SH3PXD2A: variants seen among roughly 807,000 people sequenced by gnomAD.
SH3PXD2A encodes the protein SH3 and PX domain-containing protein 2A.
A neutral mutation model predicts 115.2 loss-of-function variants in SH3PXD2A; 32 were observed. The observed-to-expected ratio is 0.28, with a 90% confidence interval of 0.21 to 0.37. The LOEUF (loss-of-function observed/expected upper bound fraction) is 0.37. Among genes scored for constraint, SH3PXD2A ranks in the 10% least tolerant of loss-of-function variants. The probability of loss-of-function intolerance (pLI) is 1.00; values close to 1 mark genes in which losing one functional copy is unlikely to be tolerated. For synonymous variants in SH3PXD2A, 610 were observed against 629.1 expected (o/e 0.97, Z 0.45); for missense variants, 1,328 against 1,498.7 (o/e 0.89, Z 1.88).
chr10:103,637,955 T>C (rs73333319), intron 8 of SH3PXD2A, among the ~76,000 whole-genome samples: 3,568 of 152,260 alleles, frequency 0.023, 143 homozygotes, highest in African/African-American at 0.08. Context: ...TGTCTGCGAG[T>C]GCTGTGCCTT....
intron 4 of SH3PXD2A, among the ~76,000 whole-genome samples, chr10:103,725,147 T>C (rs1050344968): frequency 2.0e-5 from 3 of 152,110 alleles, no homozygotes; most frequent in African/African-American, 7.2e-5. Flanking sequence ...TTCTGAAGGA[T>C]GGATAACAAT....
chr10:103,743,275 G>A (rs1191720985), intron 3 of SH3PXD2A, among the ~76,000 whole-genome samples: 1 of 152,034 alleles, frequency 6.6e-6, no homozygotes, highest in African/African-American at 2.4e-5. Context: ...AAACACAAAC[G>A]ACCCCTCTTT....
At chr10:103,837,913 A>G (rs1265903006) in intron 1 of SH3PXD2A, among the ~76,000 whole-genome samples, 1 of 152,086 alleles carries the variant, frequency 6.6e-6, no homozygotes, top group Admixed American at 6.5e-5. Flanking sequence ...GAGCCCACTG[A>G]GCCGCCTCTT....
chr10:103,603,578 G>T lies in SH3PXD2A; in HGVS notation c.1640C>A (p.Ser547Tyr). ...GPTGASESQD[S>Y]PRKLKYEEPE... ...CTCCTCATACTTGAGCTTCCGCGGG[G>T]AGTCCTGGCTCTCACTGGCCCCCGT... The change falls in exon 15 of 15, where the codon TCC becomes TAC. Residue 547 changes from serine (S) to tyrosine (Y), a missense_variant. This residue lies in a region of SH3PXD2A where 509 missense variants were observed against 628.3 expected (regional missense o/e 0.81). Transcript: ENST00000369774. 6.2e-7 allele frequency: 1 copy of T among 1,610,568 alleles called. No individual in the cohort carries two copies. Among genetic ancestry groups the T allele is most frequent in the Non-Finnish European group, 8.5e-7 (1 of 1,178,350 alleles).
At chr10:103,737,707 C>T (rs1214329355) in intron 3 of SH3PXD2A, among the ~76,000 whole-genome samples, 3 of 152,226 alleles carry the variant, frequency 2.0e-5, no homozygotes, top group East Asian at 1.9e-4. Context: ...GCACATCTGG[C>T]TGAGTGTGTG....
At chr10:103,681,096 G>C (rs1040454678) in intron 6 of SH3PXD2A, among the ~76,000 whole-genome samples, 1 of 152,180 alleles carries the variant, frequency 6.6e-6, no homozygotes, top group African/African-American at 2.4e-5. Context: ...CACAATTTGG[G>C]TATTTCCTCC....
chr10:103,639,608 T>TAAAAAA (rs67918508), intron 8 of SH3PXD2A, among the ~76,000 whole-genome samples: 4 of 85,796 alleles, frequency 4.7e-5, no homozygotes, highest in Non-Finnish European at 7.0e-5. Context: ...GACTCCGTCT[T>TAAAAAA]AAAAAAAAAA....
intron 8 of SH3PXD2A, among the ~76,000 whole-genome samples, chr10:103,640,818 C>T (rs2036944646): frequency 6.6e-6 from 1 of 152,112 alleles, no homozygotes; most frequent in East Asian, 1.9e-4. Context: ...AGAAAGGGGG[C>T]CTGGCAGTGA....
At chr10:103,658,039 A>C (rs1393211063) in intron 8 of SH3PXD2A, among the ~76,000 whole-genome samples, 6 of 152,234 alleles carry the variant, frequency 3.9e-5, no homozygotes. Flanking sequence ...AAATTGGTTA[A>C]ACTCCCTTCT....
At chr10:103,677,998 T>G in intron 6 of SH3PXD2A, 1 of 668,516 alleles carries the variant, frequency 1.5e-6, no homozygotes. Context: ...CGTGCAGGCC[T>G]CCGAGCCTGC....
intron 2 of SH3PXD2A, among the ~76,000 whole-genome samples, chr10:103,781,320 T>C (rs2038929760): frequency 6.6e-6 from 1 of 152,152 alleles, no homozygotes; most frequent in African/African-American, 2.4e-5. Flanking sequence ...CCCTTTGGCA[T>C]AACCCACAGA....
At chr10:103,651,134 A>G (rs1462442809) in intron 8 of SH3PXD2A, among the ~76,000 whole-genome samples, 1 of 152,048 alleles carries the variant, frequency 6.6e-6, no homozygotes, top group Non-Finnish European at 1.5e-5. Flanking sequence ...AGTGGCCAGG[A>G]TGGGTCTGCA....
intron 8 of SH3PXD2A, among the ~76,000 whole-genome samples, chr10:103,630,161 G>A (rs1457126736): frequency 6.6e-6 from 1 of 152,234 alleles, no homozygotes; most frequent in African/African-American, 2.4e-5. Context: ...CCATGGTTTG[G>A]TTGCTCAGAA....
In SH3PXD2A at chr10:103,784,058, C is replaced by T. The variant is rs1267680124; in HGVS notation, c.154-16889G>A. ...TGGTGCCCAGCTGCAGGCTACTTCT[C>T]CAGGTGGCAGCCCAGCTGCTGACCC... is the stretch of plus-strand genomic sequence containing the variant. On this transcript the variant is annotated intron_variant, in intron 2 of 14. Transcript: ENST00000369774. The surrounding 1 kb of genome is among the most constrained non-coding windows in gnomAD (Gnocchi z 4.4). Among the ~76,000 whole-genome samples, 1 of 152,244 alleles carries T rather than the reference C, an allele frequency of 6.6e-6. No individual in the cohort carries two copies. The highest frequency in any genetic ancestry group is 1.5e-5 in the Non-Finnish European group (1 of 68,044).
At chr10:103,749,703 G>T (rs577459387) in intron 3 of SH3PXD2A, 2 of 152,320 alleles carry the variant, frequency 1.3e-5, no homozygotes, top group South Asian at 4.1e-4. Flanking sequence ...GAAGCAATTG[G>T]ATATTGTGGG....
chr10:103,709,486 T>C (rs1470452282), intron 5 of SH3PXD2A, among the ~76,000 whole-genome samples: 1 of 152,212 alleles, frequency 6.6e-6, no homozygotes, highest in Non-Finnish European at 1.5e-5. Flanking sequence ...GCTGCTCCGA[T>C]GACTCCAGAA....
In SH3PXD2A at chr10:103,684,021, C is replaced by T. The variant is rs1350667204; in HGVS notation, c.427+9007G>A. On this transcript the variant is annotated intron_variant, in intron 6 of 14. Transcript: ENST00000369774. ...GAGGGAGGAGGCCTGCTGCCACTGC[C>T]TCGTCTCCCTCCATCTCCCTCTGCT... 1.1e-4 allele frequency among the ~76,000 whole-genome samples: 16 copies of T among 152,368 alleles called. No individual in the cohort carries two copies. In the East Asian group the frequency reaches 3.1e-3, roughly 29 times the overall value.
At chr10:103,644,832 T>C (rs1374250642) in intron 8 of SH3PXD2A, among the ~76,000 whole-genome samples, 1 of 152,224 alleles carries the variant, frequency 6.6e-6, no homozygotes, top group African/African-American at 2.4e-5. Context: ...TATCCTCATG[T>C]TACAGATATG....
Position 103,606,661 on chromosome 10 carries a change from G to A in SH3PXD2A, c.1309-744C>T, listed in dbSNP as rs1299030205. ...AGGCGCGCGCCGCCATGCCTGACTG[G>A]TTTTCGTGTTTTTTTGGTGGAGACG... is the stretch of plus-strand genomic sequence containing the variant. On this transcript the variant is annotated intron_variant, in intron 13 of 14. Transcript: ENST00000369774. Among the ~76,000 whole-genome samples the A allele has an allele frequency of 3.3e-4, 50 of 152,114 alleles. No homozygotes were observed. In the South Asian group the frequency reaches 1.0e-2, roughly 30 times the overall value.
Sources: allele counts gnomAD v4.1 joint callset (sites outside exome capture counted in the v4.1 genomes callset), GRCh38; gene constraint gnomAD v4.1.1; regional missense constraint gnomAD v4.1.1; non-coding constraint Gnocchi (gnomAD v3.1); transcripts MANE v1.5; gene names NCBI Gene and HGNC (gene_info 2026-07-23, HGNC 2026-07-21).